ZNF469: variants seen among roughly 807,000 people sequenced by gnomAD.
ZNF469 encodes the protein zinc finger protein 469.
A neutral mutation model predicts 1.0 loss-of-function variants in ZNF469; 1 was observed. That is an observed-to-expected ratio of 1.00 (90% CI 0.35 to 4.73). The LOEUF is 4.73. Ranked by LOEUF, ZNF469 falls within the 30% of genes most tolerant of loss-of-function variation. The probability of loss-of-function intolerance (pLI) is 0.16; values close to 1 mark genes in which losing one functional copy is unlikely to be tolerated. For missense variants in ZNF469, 6,100 were observed against 5,356.3 expected (o/e 1.14, Z -4.33); for synonymous variants, 2,703 against 2,363.4 (o/e 1.14, Z -4.17).
the ZNF469 span, among the ~76,000 whole-genome samples, chr16:88,283,164 G>C: frequency 0.054 from 8,285 of 152,172 alleles, 745 homozygotes; most frequent in African/African-American, 0.19. Flanking sequence ...CTAGGGGGTG[G>C]GGAGGGGACT....
At chr16:88,217,273 A>G in the ZNF469 span, among the ~76,000 whole-genome samples, 8 of 152,186 alleles carry the variant, frequency 5.3e-5, no homozygotes, top group African/African-American at 1.7e-4. Context: ...TAATCCAGCC[A>G]GGTACTCTGC....
rs552968479 is a variant in ZNF469 at position 88,418,500 on chromosome 16, A to G, written c.-191-6307A>G. Among the ~76,000 whole-genome samples, 362 of 152,160 alleles carry G rather than the reference A, an allele frequency of 2.4e-3. 1 individual carries two copies. Among genetic ancestry groups the G allele is most frequent in the African/African-American group, 8.3e-3 (345 of 41,508 alleles). On this transcript the variant is annotated intron_variant, in intron 1 of 2. Coordinates refer to ENST00000565624, the MANE Select transcript of ZNF469 (RefSeq NM_001367624.2). ...TCTTGCCATGTGCCAGCTCTCAGCA[A>G]TTTCAGTGGGTGGCAGGGCTCCGTC... is the stretch of plus-strand genomic sequence containing the variant.
chr16:88,220,775 A>T, the ZNF469 span, among the ~76,000 whole-genome samples: 1 of 152,326 alleles, frequency 6.6e-6, no homozygotes, highest in African/African-American at 2.4e-5. Context: ...ACCTTGGTGC[A>T]GCCATGGGGC....
In ZNF469 at chr16:88,435,675, G is replaced by T. The variant is rs1257927751; in HGVS notation, c.8205G>T (p.Met2735Ile). The T allele has an allele frequency of 3.2e-6, 5 of 1,550,600 alleles. No individual in the cohort carries two copies. Among genetic ancestry groups the T allele is most frequent in the Non-Finnish European group, 2.6e-6 (3 of 1,146,998 alleles). ...ATCGGATGCTGTGTCCAGGGAGGAT[G>T]GATGGTGCAGCTCTGGGGGAACAGC... ...PGDRMLCPGR[M>I]DGAALGEQPT... The change falls in exon 3 of 3, where the codon ATG becomes ATT. Residue 2735 changes from methionine to isoleucine, a missense_variant. Physicochemically the swap from Met to Ile is conservative, Grantham distance 10. Transcript: ENST00000565624.
the ZNF469 span, among the ~76,000 whole-genome samples, chr16:88,137,580 A>G: frequency 6.8e-6 from 1 of 147,792 alleles, no homozygotes; most frequent in Non-Finnish European, 1.5e-5. Context: ...ACAGCTATAC[A>G]TGCATACAAC....
At chr16:88,117,835 G>C in the ZNF469 span, among the ~76,000 whole-genome samples, 1 of 152,238 alleles carries the variant, frequency 6.6e-6, no homozygotes, top group Admixed American at 6.5e-5. Context: ...TGTGAAGGTG[G>C]GAGGCCGCCG....
chr16:88,437,424 C>T lies in ZNF469; in HGVS notation c.9954C>T (p.Gly3318=). The T allele has an allele frequency of 1.3e-6, 2 of 1,520,836 alleles. No homozygotes were observed. The highest frequency in any genetic ancestry group is 1.2e-5 in the South Asian group (1 of 81,298). The allele number at this position is 1,520,836 out of a possible 1,614,324, so 94.2% of individuals were successfully genotyped here. The change falls in exon 3 of 3, where the codon GGC becomes GGT. Residue 3318 remains glycine (G), a synonymous_variant. Transcript: ENST00000565624. ...GCCCGTCCCCCGACCCCTGGGCCGG[C>T]GGGGAGCCCCTCCTGCAAGCCACCC... ...TPSPSPDPWA[G]GEPLLQATPV...
At chr16:88,396,007 G>A (rs1904647803) in intron 1 of ZNF469, among the ~76,000 whole-genome samples, 1 of 152,230 alleles carries the variant, frequency 6.6e-6, no homozygotes, top group Admixed American at 6.5e-5. Context: ...GCTTCCTACA[G>A]GCAGCAGAGT....
upstream of ZNF469, among the ~76,000 whole-genome samples, chr16:88,378,467 C>G (rs897379343): frequency 1.1e-4 from 17 of 152,184 alleles, no homozygotes; most frequent in African/African-American, 3.9e-4. Context: ...AGAGGACACA[C>G]AAGCCCCTGC....
the ZNF469 span, among the ~76,000 whole-genome samples, chr16:88,190,407 C>G: frequency 6.6e-6 from 1 of 152,278 alleles, no homozygotes; most frequent in Admixed American, 6.5e-5. Context: ...GGCACTCACC[C>G]TCTTAACTCA....
upstream of ZNF469, among the ~76,000 whole-genome samples, chr16:88,381,098 C>T (rs1385602168): frequency 2.6e-5 from 2 of 76,698 alleles, no homozygotes; most frequent in Admixed American, 1.4e-4. Flanking sequence ...ACTCACACAC[C>T]CGGACATGCA....
chr16:88,228,237 C>T, the ZNF469 span, among the ~76,000 whole-genome samples: 4 of 152,356 alleles, frequency 2.6e-5, no homozygotes, highest in East Asian at 1.9e-4. Flanking sequence ...GACCCTGCCT[C>T]GCTCCTTGGT....
At chr16:88,205,023 C>T in the ZNF469 span, among the ~76,000 whole-genome samples, 1 of 152,106 alleles carries the variant, frequency 6.6e-6, no homozygotes, top group East Asian at 1.9e-4. The surrounding 1 kb of genome is among the most constrained non-coding windows in gnomAD (Gnocchi z 4.2). Flanking sequence ...GGGGCAGCGC[C>T]GAGGGAGCAG....
At chr16:88,334,061 TG>T in the ZNF469 span, among the ~76,000 whole-genome samples, 1 of 151,398 alleles carries the variant, frequency 6.6e-6, no homozygotes. Flanking sequence ...TCTGTGTCTG[TG>T]TGTGTCTGTG....
At chr16:88,254,420 A>C in the ZNF469 span, among the ~76,000 whole-genome samples, 1 of 152,194 alleles carries the variant, frequency 6.6e-6, no homozygotes, top group Admixed American at 6.5e-5. Flanking sequence ...AGTAAGTCTT[A>C]AAGTCAGATA....
In ZNF469 at chr16:88,429,807, C is replaced by T; in HGVS notation, c.2337C>T (p.Ala779=). 1 of 1,545,844 alleles carries T rather than the reference C, an allele frequency of 6.5e-7. No homozygotes were observed. The highest frequency in any genetic ancestry group is 8.7e-7 in the Non-Finnish European group (1 of 1,144,366). The change falls in exon 3 of 3, where the codon GCC becomes GCT. Residue 779 remains alanine (A), a synonymous_variant. Coordinates refer to ENST00000565624, the MANE Select transcript of ZNF469 (RefSeq NM_001367624.2). ...CTGGGCTCCCCTCGCCCCCCGCTGC[C>T]CCCAGAGTCCCTGCCGACGCACACG... is the stretch of plus-strand genomic sequence containing the variant. The part of the protein sequence containing the change: ...GPPGLPSPPA[A]PRVPADAHAG...
In ZNF469 at chr16:88,432,001, C is replaced by A; in HGVS notation, c.4531C>A (p.Leu1511Met). 2 of 1,548,638 alleles carry A rather than the reference C, an allele frequency of 1.3e-6. No homozygotes were observed. The highest frequency in any genetic ancestry group is 1.7e-6 in the Non-Finnish European group (2 of 1,146,954). The part of the protein sequence containing the change: ...FLLLEEVSPM[L>M]PSHFPDLSGG... ...GCTGCTTGAGGAAGTATCCCCGATG[C>A]TGCCTAGCCATTTTCCTGATCTCTC... The change falls in exon 3 of 3, where the codon CTG becomes ATG. Residue 1511 changes from leucine to methionine, a missense_variant. Transcript: ENST00000565624.
the ZNF469 span, among the ~76,000 whole-genome samples, chr16:88,169,610 A>T: frequency 6.6e-6 from 1 of 152,216 alleles, no homozygotes; most frequent in Non-Finnish European, 1.5e-5. The surrounding 1 kb of genome is among the most constrained non-coding windows in gnomAD (Gnocchi z 6.1). Flanking sequence ...CCACCTGCCG[A>T]AGGACGTTTG....
At chr16:88,208,032 A>C in the ZNF469 span, among the ~76,000 whole-genome samples, 48 of 152,320 alleles carry the variant, frequency 3.2e-4, no homozygotes, top group African/African-American at 1.1e-3. Flanking sequence ...TTTCATGACG[A>C]CTGAAGAGAT....
Sources: allele counts gnomAD v4.1 joint callset (sites outside exome capture counted in the v4.1 genomes callset), GRCh38; gene constraint gnomAD v4.1.1; non-coding constraint Gnocchi (gnomAD v3.1); transcripts MANE v1.5; gene names NCBI Gene and HGNC (gene_info 2026-07-23, HGNC 2026-07-21).